Variants in TTC8 observed in about 807,000 individuals in gnomAD.
TTC8 encodes tetratricopeptide repeat protein 8.
A neutral mutation model predicts 72.5 loss-of-function variants in TTC8; 47 were observed. The observed-to-expected ratio is 0.65, with a 90% CI of 0.51 to 0.83. The LOEUF (loss-of-function observed/expected upper bound fraction) is 0.83, where lower values mean the gene tolerates loss of function less well. Among genes scored for constraint, TTC8 ranks in the 40% least tolerant of loss-of-function variants. The probability of loss-of-function intolerance (pLI) is 0.00; values close to 1 mark genes in which losing one functional copy is unlikely to be tolerated. For missense variants in TTC8, 611 were observed against 623.2 expected, an observed-to-expected ratio of 0.98 and a Z score of 0.21; for synonymous variants, 199 against 221.4, an observed-to-expected ratio of 0.90 and a Z score of 0.90.
In TTC8 at chr14:88,871,645, A is replaced by T. The variant is rs1240328563; in HGVS notation, c.1146A>T (p.Ser382=). Residue 382 remains serine, a synonymous_variant, in exon 12 of 15, where the codon TCA becomes TCT. Coordinates refer to ENST00000380656, the MANE Select transcript of TTC8 (RefSeq NM_144596.4). The surrounding 1 kb of genome is among the most constrained non-coding windows in gnomAD (Gnocchi z 4.1). ...YAQQYDMTLT[S]FERALSLAEN... ...AGCAGTATGATATGACTCTGACCTC[A>T]TTTGAACGTGCCCTTTCTTTGGCTG... 1 of 1,614,074 alleles carries T rather than the reference A, an allele frequency of 6.2e-7. No individual in the cohort carries two copies. The highest frequency in any genetic ancestry group is 8.5e-7 in the Non-Finnish European group (1 of 1,179,992).
chr14:88,841,192 G>A lies in TTC8; in HGVS notation c.485G>A (p.Gly162Glu). 1.2e-6 allele frequency: 2 copies of A among 1,614,000 alleles called. No homozygotes were observed. The highest frequency in any genetic ancestry group is 2.2e-5 in the South Asian group (2 of 91,076). ...TCCTCCGGAAGATTTGTCAGGCTGG[G>A]AACGGTAAATTCTATCAGCTTTCCC... ...TSSSGRFVRL[G>E]TASMLTSPDG... The change falls in exon 5 of 15, where the codon GGA becomes GAA. Residue 162 changes from glycine (G) to glutamate (E), a missense_variant. Physicochemically the swap from Gly to Glu is moderately conservative, Grantham distance 98. Transcript: ENST00000380656.
chr14:88,842,849 C>T (rs578034806), intron 6 of TTC8, among the ~76,000 whole-genome samples: 79 of 152,176 alleles, frequency 5.2e-4, no homozygotes, highest in Non-Finnish European at 9.3e-4. Flanking sequence ...ATGACACTGT[C>T]TTTGATGCTG....
At chr14:88,829,870 CAT>C (rs1169451440) in intron 1 of TTC8, among the ~76,000 whole-genome samples, 1 of 152,202 alleles carries the variant, frequency 6.6e-6, no homozygotes, top group African/African-American at 2.4e-5. Context: ...AGCCAAAGAA[CAT>C]ATCGTGTGAT....
intron 10 of TTC8, among the ~76,000 whole-genome samples, chr14:88,866,859 C>A (rs561773854): frequency 1.3e-5 from 2 of 152,178 alleles, no homozygotes; most frequent in African/African-American, 4.8e-5. Context: ...CCCATACACA[C>A]AATCGTGGAG....
intron 7 of TTC8, among the ~76,000 whole-genome samples, chr14:88,844,276 A>G (rs566567372): frequency 1.6e-4 from 25 of 152,336 alleles, no homozygotes; most frequent in Non-Finnish European, 2.9e-4. Context: ...GATTTCAAAC[A>G]TACAAAAGTA....
At chr14:88,868,807 C>T (rs2094921596) in intron 10 of TTC8, among the ~76,000 whole-genome samples, 1 of 152,118 alleles carries the variant, frequency 6.6e-6, no homozygotes, top group African/African-American at 2.4e-5. Context: ...ATCAAGAAAA[C>T]ACAGGTATCA....
chr14:88,877,357 G>C lies in TTC8; in HGVS notation c.1495G>C (p.Val499Leu). Residue 499 changes from valine to leucine, a missense_variant, in exon 15 of 15, where the codon GTG becomes CTG. Coordinates refer to ENST00000380656, the MANE Select transcript of TTC8 (RefSeq NM_144596.4). ...GTCTGAAGCAGCATTTCCAGACCAT[G>C]TGGACACACAACATTTAATTAAACA... The part of the protein sequence containing the change: ...QKSEAAFPDH[V>L]DTQHLIKQLR... 1.2e-6 allele frequency: 2 copies of C among 1,613,850 alleles called. No homozygotes were observed. The highest frequency in any genetic ancestry group is 1.7e-6 in the Non-Finnish European group (2 of 1,179,838).
chr14:88,857,407 T>C (rs1229616313), intron 9 of TTC8, 130 bp downstream of exon 9: 1 of 824,136 alleles, frequency 1.2e-6, no homozygotes, highest in Non-Finnish European at 2.0e-6. Context: ...ATTTAACTTG[T>C]TTTTCTTTAC....
Position 88,841,150 on chromosome 14 carries a change from C to A in TTC8, c.443C>A (p.Ala148Asp), listed in dbSNP as rs776775531. 6.2e-7 allele frequency: 1 copy of A among 1,614,114 alleles called. No individual in the cohort carries two copies. The highest frequency in any genetic ancestry group is 1.1e-5 in the South Asian group (1 of 91,086). Residue 148 changes from alanine to aspartate, a missense_variant, in exon 5 of 15, where the codon GCC becomes GAC. Coordinates refer to ENST00000380656, the MANE Select transcript of TTC8 (RefSeq NM_144596.4). ...AIRTPRTAYTARPITSSSGRF... is the reference protein window; with the variant it reads ...AIRTPRTAYTDRPITSSSGRF... ...AGAACACCCAGAACCGCCTACACAG[C>A]CCGCCCTATCACCAGCTCCTCCGGA...
chr14:88,852,056 C>G (rs1428119970), intron 7 of TTC8, among the ~76,000 whole-genome samples: 2 of 152,178 alleles, frequency 1.3e-5, no homozygotes, highest in Non-Finnish European at 2.9e-5. Context: ...TATGTTAACA[C>G]TGGCTAAAGA....
At chr14:88,831,018 T>C in intron 1 of TTC8, 1 of 428,614 alleles carries the variant, frequency 2.3e-6, no homozygotes, top group South Asian at 1.7e-5. Flanking sequence ...GTTCAAATAC[T>C]GCCTCTATAC....
At position 88,824,652 on chromosome 14, in the gene TTC8, C is replaced by A; in HGVS notation, c.-56C>A. On this transcript the variant is annotated 5_prime_UTR_variant, in exon 1 of 15. Coordinates refer to ENST00000380656, the MANE Select transcript of TTC8 (RefSeq NM_144596.4). ...AGAGTCGGACGCCGCCAGCTCTTCA[C>A]TCCACGCCCACCTCTCTCCTGGAGC... The A allele has an allele frequency of 6.8e-7, 1 of 1,469,386 alleles. No homozygotes were observed. Among genetic ancestry groups the A allele is most frequent in the Non-Finnish European group, 9.3e-7 (1 of 1,074,100 alleles). The allele number at this position is 1,469,386 out of a possible 1,614,324, so 91.0% of individuals were successfully genotyped here.
At chr14:88,849,090 C>T (rs897976244) in intron 7 of TTC8, among the ~76,000 whole-genome samples, 2 of 151,946 alleles carry the variant, frequency 1.3e-5, no homozygotes, top group African/African-American at 4.8e-5. Flanking sequence ...CTTTGTTTTC[C>T]ATTTTATTTA....
intron 6 of TTC8, among the ~76,000 whole-genome samples, chr14:88,843,399 C>T (rs2094791245): frequency 6.6e-6 from 1 of 152,058 alleles, no homozygotes; most frequent in Non-Finnish European, 1.5e-5. Flanking sequence ...CAAAAAACAC[C>T]CTGCTTTACC....
In TTC8 at chr14:88,869,613, A is replaced by G. The variant is rs188558403; in HGVS notation, c.910-446A>G. Among the ~76,000 whole-genome samples, 36 of 152,006 alleles carry G rather than the reference A, an allele frequency of 2.4e-4. 1 individual carries two copies. The highest frequency in any genetic ancestry group is 8.4e-4 in the African/African-American group (35 of 41,478). ...CTCATTTACCTTCGTGTGGTTCTTC[A>G]TATGTGACAAGCACGTTCCCCTCTC... On this transcript the variant is annotated intron_variant, in intron 10 of 14. Transcript: ENST00000380656.
intron 7 of TTC8, among the ~76,000 whole-genome samples, chr14:88,850,307 C>T (rs757423352): frequency 2.0e-5 from 3 of 152,128 alleles, no homozygotes; most frequent in Non-Finnish European, 2.9e-5. Context: ...TCTTGAGTAC[C>T]TCTTCTGTGC....
chr14:88,825,677 C>G (rs2094696229), intron 1 of TTC8, among the ~76,000 whole-genome samples: 1 of 152,150 alleles, frequency 6.6e-6, no homozygotes, highest in Non-Finnish European at 1.5e-5. Flanking sequence ...AGTTCTAGTT[C>G]CCTAGCTTTT....
chr14:88,873,287 C>T (rs2094943069), intron 13 of TTC8, among the ~76,000 whole-genome samples: 1 of 152,166 alleles, frequency 6.6e-6, no homozygotes, highest in Non-Finnish European at 1.5e-5. Context: ...TTGGAGTGTT[C>T]TTCCTTCAGA....
At chr14:88,858,761 T>C (rs2094869531) in intron 9 of TTC8, among the ~76,000 whole-genome samples, 1 of 141,356 alleles carries the variant, frequency 7.1e-6, no homozygotes, top group African/African-American at 2.6e-5. Context: ...ATAATTTTTT[T>C]TTTTTTTTTT....
Sources: gnomAD v4.1 joint callset for allele counts (sites outside exome capture counted in the v4.1 genomes callset) on GRCh38, gnomAD v4.1.1 for gene constraint, Gnocchi (gnomAD v3.1) non-coding constraint, MANE v1.5 for transcripts, NCBI Gene and HGNC (gene_info 2026-07-23, HGNC 2026-07-21) for gene names.